Variants in KIF1C observed in about 807,000 individuals in gnomAD.
The protein encoded by KIF1C is kinesin family member 1C, also known as kinesin-like protein KIF1C.
In KIF1C, 61 loss-of-function variants were observed where a neutral mutation model predicts 126.5. The ratio of observed to expected loss-of-function variants is 0.48; its 90% CI spans 0.39 to 0.60. The LOEUF (loss-of-function observed/expected upper bound fraction) is 0.60. KIF1C is among the 20% of genes least tolerant of loss of function. The pLI, the probability that KIF1C is intolerant of heterozygous loss-of-function variation, is 0.00. For missense variants in KIF1C, 1,315 were observed against 1,489.2 expected (o/e 0.88, Z 1.93); for synonymous variants, 640 against 580.6 (o/e 1.10, Z -1.47).
At chr17:5,005,136 A>G (rs940504809) in intron 13 of KIF1C, 136 bp downstream of exon 13, 311 of 1,082,044 alleles carry the variant, frequency 2.9e-4, no homozygotes, top group Non-Finnish European at 3.4e-4. Context: ...TGACGTGGAC[A>G]CAGATGTGGA....
At position 5,002,766 on chromosome 17, in the gene KIF1C, G is replaced by A. The variant is rs199548525; in HGVS notation, c.644G>A (p.Ser215Asn). 3.7e-5 allele frequency: 59 copies of A among 1,613,874 alleles called. No individual in the cohort carries two copies. The highest frequency in any genetic ancestry group is 4.8e-5 in the Non-Finnish European group (57 of 1,179,988). The part of the protein sequence containing the change: ...VAATNMNETS[S>N]RSHAVFTIVF... ...GCCACCAACATGAATGAGACCAGCA[G>A]CCGTTCCCATGCCGTCTTTACCATC... Residue 215 changes from serine to asparagine, a missense_variant, in exon 8 of 23, where the codon AGC becomes AAC. Around this residue, in one of 2 missense-constraint regions of KIF1C, gnomAD observed 874 missense variants for 1,053.2 expected, o/e 0.83. Coordinates refer to ENST00000320785, the MANE Select transcript of KIF1C (RefSeq NM_006612.6).
At position 5,000,266 on chromosome 17, in the gene KIF1C, A is replaced by G; in HGVS notation, c.20A>G (p.Lys7Arg). 2 of 1,578,904 alleles carry G rather than the reference A, an allele frequency of 1.3e-6. No individual in the cohort carries two copies. The highest frequency in any genetic ancestry group is 4.7e-5 in the East Asian group (2 of 42,438). ...GGAGCTATGGCTGGTGCCTCGGTGA[A>G]AGTGGCAGTGAGGGTTCGGCCCTTT... Reference protein sequence around the residue: MAGASVKVAVRVRPFNA... With the variant: MAGASVRVAVRVRPFNA... The change falls in exon 3 of 23, where the codon AAA becomes AGA. Residue 7 changes from lysine (K) to arginine (R), a missense_variant. Lys to Arg is a conservative substitution (Grantham distance 26, BLOSUM62 2). Coordinates refer to ENST00000320785, the MANE Select transcript of KIF1C (RefSeq NM_006612.6).
At chr17:5,006,509 G>A (rs1974738048) in intron 13 of KIF1C, among the ~76,000 whole-genome samples, 1 of 150,112 alleles carries the variant, frequency 6.7e-6, no homozygotes, top group Admixed American at 6.6e-5. Context: ...GCTAATTTTT[G>A]TATTTTAGTA....
Position 5,013,678 on chromosome 17 carries a change from A to G in KIF1C, c.1517A>G (p.Glu506Gly). The G allele has an allele frequency of 6.2e-7, 1 of 1,613,732 alleles. No homozygotes were observed. Among genetic ancestry groups the G allele is most frequent in the South Asian group, 1.1e-5 (1 of 91,070 alleles). ...ACTCCCCACCTGGTGAACCTGAACGAAGACCCTCTGATGTCTGAGTGTCTG... is the reference window on the plus strand; with the variant it reads ...ACTCCCCACCTGGTGAACCTGAACGGAGACCCTCTGATGTCTGAGTGTCTG... Reference protein sequence around the residue: ...KKTPHLVNLNEDPLMSECLLY... With the variant: ...KKTPHLVNLNGDPLMSECLLY... The change falls in exon 17 of 23, where the codon GAA becomes GGA. Residue 506 changes from glutamate to glycine, a missense_variant. Around this residue, in one of 2 missense-constraint regions of KIF1C, gnomAD observed 874 missense variants for 1,053.2 expected, o/e 0.83. Coordinates refer to ENST00000320785, the MANE Select transcript of KIF1C (RefSeq NM_006612.6).
At chr17:4,999,378 G>A (rs1974506716) in intron 1 of KIF1C, among the ~76,000 whole-genome samples, 1 of 152,216 alleles carries the variant, frequency 6.6e-6, no homozygotes, top group Non-Finnish European at 1.5e-5. Context: ...TGGGCTCCCA[G>A]TTTGTGCTTT....
intron 18 of KIF1C, among the ~76,000 whole-genome samples, chr17:5,018,497 C>G (rs1476764785): frequency 6.6e-6 from 1 of 151,784 alleles, no homozygotes; most frequent in African/African-American, 2.4e-5. Context: ...GGAGACCAGC[C>G]TGACCAACAT....
rs1975225483 is a variant in KIF1C, at chr17:5,027,302, G to A, written c.*3151G>A. ...CACAACCGCACCCGGCTAATTTTTT[G>A]TATCTTTAGTAGAGACAGGGTTTCA... On this transcript the variant is annotated 3_prime_UTR_variant, in exon 23 of 23. Coordinates refer to ENST00000320785, the MANE Select transcript of KIF1C (RefSeq NM_006612.6). 1 of 152,056 alleles carries A rather than the reference G, an allele frequency of 6.6e-6. No individual in the cohort carries two copies. The highest frequency in any genetic ancestry group is 6.6e-5 in the Admixed American group (1 of 15,254). 9.4% of individuals were successfully genotyped at this position (152,056 alleles called of 1,614,324 possible).
At chr17:5,021,989 C>A in intron 21 of KIF1C, 103 bp from the exon 22 acceptor site, 1 of 1,334,626 alleles carries the variant, frequency 7.5e-7, no homozygotes, top group South Asian at 1.4e-5. Flanking sequence ...AACCCAGGCT[C>A]CCTGATGGGC....
At chr17:5,004,174 C>T (rs536880499) in intron 11 of KIF1C, 101 bp downstream of exon 11, 25 of 895,474 alleles carry the variant, frequency 2.8e-5, no homozygotes, top group Admixed American at 2.2e-4. Context: ...TCCCAAATCC[C>T]GTTGTCTTAC....
chr17:5,013,920 G>C (rs1204875562), intron 17 of KIF1C, among the ~76,000 whole-genome samples, 188 bp downstream of exon 17: 3 of 152,002 alleles, frequency 2.0e-5, no homozygotes, highest in Admixed American at 6.5e-5. Context: ...TGGCTGTCTT[G>C]CCTCCACCTG....
At chr17:5,001,930 A>C (rs1325016099) in intron 5 of KIF1C, 129 bp from the exon 6 acceptor site, 1 of 795,184 alleles carries the variant, frequency 1.3e-6, no homozygotes, top group Non-Finnish European at 2.1e-6. Context: ...TGAAATGGGA[A>C]TAACCCCTCC....
At chr17:5,018,753 T>C (rs146353045) in intron 18 of KIF1C, among the ~76,000 whole-genome samples, 1 of 152,216 alleles carries the variant, frequency 6.6e-6, no homozygotes, top group Non-Finnish European at 1.5e-5. Flanking sequence ...TAAATGACTT[T>C]AGATTATCTT....
rs2143397613 is a variant in KIF1C, at chr17:5,024,725, G to C, written c.*574G>C. On this transcript the variant is annotated 3_prime_UTR_variant, in exon 23 of 23. Coordinates refer to ENST00000320785, the MANE Select transcript of KIF1C (RefSeq NM_006612.6). ...GGGAGCTTGTGGCCTGTTTGTTTTG[G>C]GTTTTCATGGAGGTGTAGGTTATAT... is the stretch of plus-strand genomic sequence containing the variant. 1 of 153,350 alleles carries C rather than the reference G, an allele frequency of 6.5e-6. No homozygotes were observed. Among genetic ancestry groups the C allele is most frequent in the Middle Eastern group, 3.4e-3 (1 of 298 alleles). The allele number at this position is 153,350 out of a possible 1,614,324, so 9.5% of individuals were successfully genotyped here.
At chr17:5,010,206 G>A (rs1211991960) in intron 16 of KIF1C, among the ~76,000 whole-genome samples, 3 of 152,198 alleles carry the variant, frequency 2.0e-5, no homozygotes, top group Non-Finnish European at 4.4e-5. Context: ...TATTACAGGT[G>A]TGAGCTACTG....
rs558289312 is a variant in KIF1C at position 5,026,098 on chromosome 17, G to C, written c.*1947G>C. On this transcript the variant is annotated 3_prime_UTR_variant, in exon 23 of 23. Coordinates refer to ENST00000320785, the MANE Select transcript of KIF1C (RefSeq NM_006612.6). ...AACTGCAGCCAAACCACGGCTCTGG[G>C]CGAAGGAACGATTAGGTTTACTCTA... 2.0e-5 allele frequency: 3 copies of C among 152,312 alleles called. No homozygotes were observed. The highest frequency in any genetic ancestry group is 2.0e-4 in the Admixed American group (3 of 15,284). The allele number at this position is 152,312 out of a possible 1,614,324, so 9.4% of individuals were successfully genotyped here. A position where few individuals can be genotyped will look rare whatever the true frequency, so the allele number is the denominator to read the frequency against.
intron 16 of KIF1C, among the ~76,000 whole-genome samples, chr17:5,013,045 A>G (rs1208579072): frequency 2.0e-5 from 3 of 152,186 alleles, no homozygotes; most frequent in Admixed American, 6.5e-5. Flanking sequence ...ACTGGGGAAG[A>G]GTCAATGAGT....
In KIF1C at chr17:5,023,773, C is replaced by G. The variant is rs1427005389; in HGVS notation, c.2934C>G (p.Arg978=). 9.9e-6 allele frequency: 15 copies of G among 1,522,372 alleles called. No individual in the cohort carries two copies. The highest frequency in any genetic ancestry group is 1.3e-5 in the Non-Finnish European group (15 of 1,138,318). The allele number at this position is 1,522,372 out of a possible 1,614,324, so 94.3% of individuals were successfully genotyped here. ...RFVPPHDCKL[R]FPFKSNPQHR... is the part of the protein sequence containing the mutation. ...TGCCCCCTCACGACTGCAAGCTACG[C>G]TTCCCCTTCAAGAGCAACCCCCAGC... Residue 978 remains arginine, a synonymous_variant, in exon 23 of 23, where the codon CGC becomes CGG. Coordinates refer to ENST00000320785, the MANE Select transcript of KIF1C (RefSeq NM_006612.6). This position sits in a 1 kb window ranked among gnomAD's most constrained non-coding sequence, Gnocchi z 4.2.
At position 5,007,431 on chromosome 17, in the gene KIF1C, A is replaced by C. The variant is rs775567556; in HGVS notation, c.1416-36A>C. 6.8e-6 allele frequency: 11 copies of C among 1,610,602 alleles called. No individual in the cohort carries two copies. The East Asian group carries it at 2.2e-4, about 33-fold the overall frequency. On this transcript the variant is annotated intron_variant, in intron 15 of 22. Coordinates refer to ENST00000320785, the MANE Select transcript of KIF1C (RefSeq NM_006612.6). ...CAGGGAAGGAGGTCACGGGCAGTGA[A>C]GGTAAGACTGACATTTGCCTCTCCT...
chr17:4,999,135 T>TCCTGAGGGG (rs2143298499), intron 1 of KIF1C: 1 of 152,694 alleles, frequency 6.5e-6, no homozygotes, highest in African/African-American at 2.4e-5. Flanking sequence ...TTGTCCCGGA[T>TCCTGAGGGG]CCTGAGGAGG....
Sources: gnomAD v4.1 joint callset for allele counts (sites outside exome capture counted in the v4.1 genomes callset) on GRCh38, gnomAD v4.1.1 for gene constraint, gnomAD v4.1.1 regional missense constraint, Gnocchi (gnomAD v3.1) non-coding constraint, MANE v1.5 for transcripts, NCBI Gene and HGNC (gene_info 2026-07-23, HGNC 2026-07-21) for gene names.